NCAM2: variants seen among roughly 807,000 people sequenced by gnomAD.
The protein encoded by NCAM2 is N-CAM-2.
Under a neutral mutation model 98.1 loss-of-function variants are expected in NCAM2, and 30 were observed. The observed-to-expected ratio is 0.31, with a 90% CI of 0.23 to 0.41. The LOEUF (loss-of-function observed/expected upper bound fraction) is 0.41, where lower values mean the gene tolerates loss of function less well. Among genes scored for constraint, NCAM2 ranks in the 10% least tolerant of loss-of-function variants. NCAM2 has a pLI of 1.00. For missense variants in NCAM2, 867 were observed against 1,005.8 expected, an observed-to-expected ratio of 0.86 and a Z score of 1.87; for synonymous variants, 368 against 342.4, an observed-to-expected ratio of 1.07 and a Z score of -0.83.
chr21:21,010,255 G>A (rs1417219621), intron 1 of NCAM2, among the ~76,000 whole-genome samples: 3 of 151,912 alleles, frequency 2.0e-5, no homozygotes, highest in Non-Finnish European at 2.9e-5. Flanking sequence ...TTTTACCTCT[G>A]TGTGGATTGC....
intron 1 of NCAM2, among the ~76,000 whole-genome samples, chr21:21,029,478 G>A (rs1416073499): frequency 1.3e-5 from 2 of 152,086 alleles, no homozygotes; most frequent in Non-Finnish European, 2.9e-5. Flanking sequence ...TTGTCAGTTG[G>A]AGACAAATTT....
intron 11 of NCAM2, among the ~76,000 whole-genome samples, chr21:21,425,193 A>G (rs2077190299): frequency 6.6e-6 from 1 of 152,114 alleles, no homozygotes; most frequent in South Asian, 2.1e-4. Context: ...AGATTTCAAC[A>G]TAGAATAAAA....
At chr21:21,413,190 A>G (rs1409280497) in intron 10 of NCAM2, among the ~76,000 whole-genome samples, 1 of 152,176 alleles carries the variant, frequency 6.6e-6, no homozygotes, top group East Asian at 1.9e-4. Flanking sequence ...AAACTTTTCA[A>G]TATGTGGGCA....
At chr21:21,140,467 T>G (rs1264618630) in intron 1 of NCAM2, among the ~76,000 whole-genome samples, 3 of 152,138 alleles carry the variant, frequency 2.0e-5, no homozygotes, top group Non-Finnish European at 4.4e-5. Context: ...AATCTTTTCC[T>G]TTTGGGCTTT....
At chr21:21,501,412 T>G (rs1043742023) in intron 15 of NCAM2, among the ~76,000 whole-genome samples, 3 of 152,026 alleles carry the variant, frequency 2.0e-5, no homozygotes, top group African/African-American at 7.2e-5. Flanking sequence ...TCCTTTGTCG[T>G]GTCTTTTGTA....
chr21:21,257,282 T>C (rs2071709924), intron 1 of NCAM2, among the ~76,000 whole-genome samples: 1 of 152,312 alleles, frequency 6.6e-6, no homozygotes, highest in East Asian at 1.9e-4. Context: ...GAAGTAATCA[T>C]AGAATTGACA....
At chr21:21,158,096 G>A (rs1210777221) in intron 1 of NCAM2, among the ~76,000 whole-genome samples, 1 of 152,090 alleles carries the variant, frequency 6.6e-6, no homozygotes, top group Non-Finnish European at 1.5e-5. Flanking sequence ...TTGAACTGCA[G>A]AAGGCATACG....
intron 9 of NCAM2, among the ~76,000 whole-genome samples, chr21:21,402,677 GGC>G (rs1417116338): frequency 1.3e-5 from 2 of 152,034 alleles, no homozygotes; most frequent in Non-Finnish European, 2.9e-5. Flanking sequence ...CTGGTTTTGT[GGC>G]TCAGGTGGGC....
rs549653788 is a variant in NCAM2 at position 21,155,597 on chromosome 21, T to C, written c.56-124981T>C. Among the ~76,000 whole-genome samples the C allele has an allele frequency of 3.9e-4, 60 of 151,982 alleles. No individual in the cohort carries two copies. The South Asian group carries it at 0.012, about 32-fold the overall frequency. On this transcript the variant is annotated intron_variant, in intron 1 of 17. Coordinates refer to ENST00000400546, the MANE Select transcript of NCAM2 (RefSeq NM_004540.5). ...ATGGCTTATTAATGTTATAATGTAA[T>C]CTTGGAGTTAACATTGGCTTTAGTA...
intron 16 of NCAM2, among the ~76,000 whole-genome samples, chr21:21,530,299 T>A (rs1239840170): frequency 2.9e-5 from 3 of 102,480 alleles, no homozygotes; most frequent in Non-Finnish European, 4.0e-5. Flanking sequence ...TATATATAAT[T>A]AAATTAAATT....
chr21:21,367,653 T>C (rs2075820087), intron 8 of NCAM2, among the ~76,000 whole-genome samples: 1 of 151,960 alleles, frequency 6.6e-6, no homozygotes, highest in African/African-American at 2.4e-5. Context: ...TGCTTAGATC[T>C]GCATATCAGT....
chr21:21,334,648 G>A (rs922896323), intron 6 of NCAM2, among the ~76,000 whole-genome samples: 2 of 151,226 alleles, frequency 1.3e-5, no homozygotes, highest in Non-Finnish European at 3.0e-5. Flanking sequence ...AGAGAAAAGA[G>A]GAAAAAAGAT....
chr21:21,508,589 A>AT (rs931540528), intron 15 of NCAM2, among the ~76,000 whole-genome samples: 15 of 151,790 alleles, frequency 9.9e-5, no homozygotes, highest in Non-Finnish European at 2.2e-4. Context: ...TTCTTTGTTA[A>AT]TAAAAAAAAA....
intron 12 of NCAM2, among the ~76,000 whole-genome samples, chr21:21,455,836 T>G (rs1036091384): frequency 6.6e-6 from 1 of 152,014 alleles, no homozygotes; most frequent in Non-Finnish European, 1.5e-5. Flanking sequence ...TAGAAGGTTT[T>G]TATGGCTTGA....
chr21:21,509,669 G>T (rs1988237828), intron 16 of NCAM2, among the ~76,000 whole-genome samples: 1 of 152,126 alleles, frequency 6.6e-6, no homozygotes, highest in African/African-American at 2.4e-5. Flanking sequence ...TTTCAAGAAA[G>T]TATGTAGATC....
At chr21:21,142,573 G>T (rs1292057982) in intron 1 of NCAM2, among the ~76,000 whole-genome samples, 1 of 151,796 alleles carries the variant, frequency 6.6e-6, no homozygotes, top group Non-Finnish European at 1.5e-5. Context: ...AAGAGACGGG[G>T]TTTCACCATG....
chr21:21,108,373 C>A (rs1307593710), intron 1 of NCAM2, among the ~76,000 whole-genome samples: 1 of 152,018 alleles, frequency 6.6e-6, no homozygotes, highest in Non-Finnish European at 1.5e-5. Flanking sequence ...AAATAGCAAT[C>A]TAGAATACAT....
intron 1 of NCAM2, among the ~76,000 whole-genome samples, chr21:21,090,573 A>G (rs1282401833): frequency 6.6e-6 from 1 of 152,176 alleles, no homozygotes; most frequent in Non-Finnish European, 1.5e-5. Context: ...GCCTGCCTTC[A>G]CCACTCTGCC....
At chr21:21,512,617 C>T (rs772260315) in intron 16 of NCAM2, among the ~76,000 whole-genome samples, 2 of 151,574 alleles carry the variant, frequency 1.3e-5, no homozygotes, top group Non-Finnish European at 2.9e-5. Flanking sequence ...TTTTCTATTT[C>T]TGTGAAGAAT....
Sources: gnomAD v4.1 joint callset for allele counts (sites outside exome capture counted in the v4.1 genomes callset) on GRCh38, gnomAD v4.1.1 for gene constraint, MANE v1.5 for transcripts, NCBI Gene and HGNC (gene_info 2026-07-23, HGNC 2026-07-21) for gene names.